NFIB: variants seen among roughly 807,000 people sequenced by gnomAD.
NFIB encodes nuclear factor 1 B-type.
In NFIB, 11 loss-of-function variants were observed where a neutral mutation model predicts 61.5. The observed-to-expected ratio is 0.18, with a 90% CI of 0.11 to 0.30. The LOEUF is 0.30. NFIB is among the 10% of genes least tolerant of loss of function. NFIB has a pLI of 1.00. For missense variants in NFIB, 471 were observed against 608.9 expected, an observed-to-expected ratio of 0.77 and a Z score of 2.38; for synonymous variants, 260 against 216.5, an observed-to-expected ratio of 1.20 and a Z score of -1.76.
chr9:14,293,116 G>C (rs12685327), intron 2 of NFIB, among the ~76,000 whole-genome samples: 1 of 152,094 alleles, frequency 6.6e-6, no homozygotes, highest in Non-Finnish European at 1.5e-5. Flanking sequence ...TTTTCAGTGC[G>C]TTACAATGAA....
At position 14,175,163 on chromosome 9, in the gene NFIB, A is replaced by ATTTTTTTTTTTT. The variant is rs375736787; in HGVS notation, c.616+4563_616+4564insAAAAAAAAAAAA. 2.1e-4 allele frequency among the ~76,000 whole-genome samples: 21 copies of ATTTTTTTTTTTT among 102,140 alleles called. 1 individual carries two copies. Among genetic ancestry groups the ATTTTTTTTTTTT allele is most frequent in the Non-Finnish European group, 2.6e-4 (14 of 53,092 alleles). The allele number at this position is 102,140 out of a possible 152,430, so 67.0% of individuals were successfully genotyped here. A position where few individuals can be genotyped will look rare whatever the true frequency, so the allele number is the denominator to read the frequency against. On this transcript the variant is annotated intron_variant, in intron 3 of 10. Transcript: ENST00000380953. Reference sequence around the variant, plus strand: ...TCTCAAAATTTTTATGACTTAAAGAATTTCTTTTTTTTTTTTTTTTTTTTG... The same window carrying ATTTTTTTTTTTT: ...TCTCAAAATTTTTATGACTTAAAGAATTTTTTTTTTTTTTTCTTTTTTTTTTTTTTTTTTTTG...
At chr9:14,268,597 G>A (rs545189758) in intron 2 of NFIB, among the ~76,000 whole-genome samples, 6 of 152,318 alleles carry the variant, frequency 3.9e-5, no homozygotes, top group African/African-American at 1.4e-4. Context: ...TGAGTCATGA[G>A]AACCTTCTTT....
At chr9:14,361,878 A>C (rs538810866) in intron 1 of NFIB, 1 of 152,370 alleles carries the variant, frequency 6.6e-6, no homozygotes, top group Non-Finnish European at 1.5e-5. Flanking sequence ...CTTTCCATTA[A>C]CAAAAAGGAG....
chr9:14,088,083 T>C lies in NFIB; in HGVS notation c.*226A>G. 1.0e-6 allele frequency: 1 copy of C among 986,490 alleles called. No homozygotes were observed. The highest frequency in any genetic ancestry group is 1.4e-6 in the Non-Finnish European group (1 of 736,310). The allele number at this position is 986,490 out of a possible 1,614,324, so 61.1% of individuals were successfully genotyped here. A position where few individuals can be genotyped will look rare whatever the true frequency, so the allele number is the denominator to read the frequency against. On this transcript the variant is annotated 3_prime_UTR_variant, in exon 11 of 11. Coordinates refer to ENST00000380953, the MANE Select transcript of NFIB (RefSeq NM_001190737.2). ...CTGCAATTGCTGGTCTATTATCTTC[T>C]TTCTTCAGTTTCTTTCCTTTCTGCC...
At chr9:14,346,262 A>C (rs1376634589) in intron 1 of NFIB, among the ~76,000 whole-genome samples, 1 of 145,686 alleles carries the variant, frequency 6.9e-6, no homozygotes, top group East Asian at 2.0e-4. Flanking sequence ...TGGAGATTTC[A>C]TATCCGCAGT....
chr9:14,306,087 T>C (rs1372628835), intron 2 of NFIB: 1 of 582,654 alleles, frequency 1.7e-6, no homozygotes, highest in South Asian at 3.5e-5. Context: ...TATTCAGTAA[T>C]AACATCATCT....
chr9:14,526,540 T>G, the NFIB span, among the ~76,000 whole-genome samples: 1 of 152,170 alleles, frequency 6.6e-6, no homozygotes, highest in Non-Finnish European at 1.5e-5. Context: ...TATCCTGACT[T>G]TTTTGCACAT....
At chr9:14,129,634 A>C (rs984082636) in intron 6 of NFIB, among the ~76,000 whole-genome samples, 6 of 152,142 alleles carry the variant, frequency 3.9e-5, no homozygotes, top group African/African-American at 1.4e-4. Context: ...TACAAAAAAA[A>C]GTTTGAAGAA....
intron 1 of NFIB, among the ~76,000 whole-genome samples, chr9:14,384,493 A>G (rs1411074464): frequency 6.6e-6 from 1 of 152,118 alleles, no homozygotes; most frequent in Non-Finnish European, 1.5e-5. Flanking sequence ...AATTGCTTTT[A>G]TTTTTCTCCT....
At chr9:14,248,887 A>G (rs1205242481) in intron 2 of NFIB, among the ~76,000 whole-genome samples, 1 of 152,230 alleles carries the variant, frequency 6.6e-6, no homozygotes, top group Non-Finnish European at 1.5e-5. Flanking sequence ...CCGAGAAGTA[A>G]GGGAACAAAG....
At chr9:14,315,630 C>A (rs1311331780), upstream of NFIB, among the ~76,000 whole-genome samples, 2 of 148,566 alleles carry the variant, frequency 1.3e-5, no homozygotes, top group East Asian at 4.0e-4. Flanking sequence ...GGCTCCCCAC[C>A]GCGGCGCTGC....
chr9:14,125,121 A>G (rs537091265), intron 7 of NFIB, among the ~76,000 whole-genome samples: 14 of 146,272 alleles, frequency 9.6e-5, no homozygotes, highest in South Asian at 2.4e-4. Context: ...TTTAAAACAC[A>G]TATTATAAAT....
At chr9:14,476,250 T>C in the NFIB span, among the ~76,000 whole-genome samples, 2 of 151,224 alleles carry the variant, frequency 1.3e-5, no homozygotes, top group African/African-American at 2.5e-5. Context: ...CTTTTTGTTT[T>C]TTTTTTTTTT....
intron 2 of NFIB, among the ~76,000 whole-genome samples, chr9:14,222,561 G>C (rs1225580683): frequency 6.6e-6 from 1 of 152,078 alleles, no homozygotes; most frequent in East Asian, 1.9e-4. Context: ...CCAGCACTTT[G>C]GGAGGCCAAA....
the NFIB span, among the ~76,000 whole-genome samples, chr9:14,451,457 T>C: frequency 5.3e-5 from 8 of 152,202 alleles, no homozygotes; most frequent in Non-Finnish European, 1.5e-5. Context: ...CAATTATTCA[T>C]AAACATTTTC....
Position 14,172,642 on chromosome 9 carries a change from A to T in NFIB, c.616+7085T>A, listed in dbSNP as rs181911819. Among the ~76,000 whole-genome samples the T allele has an allele frequency of 1.2e-3, 186 of 152,360 alleles. 1 individual carries two copies. Among genetic ancestry groups the T allele is most frequent in the Non-Finnish European group, 2.3e-3 (155 of 68,038 alleles). On this transcript the variant is annotated intron_variant, in intron 3 of 10. Transcript: ENST00000380953. ...TTTCTAAAAATTACAATTCTATTTC[A>T]TCATGAGACTTGAAAGCATCTGTTT...
chr9:14,278,518 C>G (rs1223231650), intron 2 of NFIB, among the ~76,000 whole-genome samples: 1 of 152,162 alleles, frequency 6.6e-6, no homozygotes, highest in Admixed American at 6.6e-5. Flanking sequence ...CCATGTATCC[C>G]CTCAGGCTGC....
At chr9:14,284,136 A>AG (rs1276193137) in intron 2 of NFIB, among the ~76,000 whole-genome samples, 2 of 152,072 alleles carry the variant, frequency 1.3e-5, no homozygotes, top group Non-Finnish European at 2.9e-5. Flanking sequence ...AAGATATTTA[A>AG]CCTCAATTTC....
intron 10 of NFIB, among the ~76,000 whole-genome samples, chr9:14,089,870 A>G (rs983419181): frequency 1.3e-5 from 2 of 152,180 alleles, no homozygotes; most frequent in Admixed American, 6.5e-5. Context: ...ACCTCGATAC[A>G]AAATGTTGCT....
Sources: gnomAD v4.1 joint callset for allele counts (sites outside exome capture counted in the v4.1 genomes callset) on GRCh38, gnomAD v4.1.1 for gene constraint, MANE v1.5 for transcripts, NCBI Gene and HGNC (gene_info 2026-07-23, HGNC 2026-07-21) for gene names.